Variants in ADAMTS12 observed in about 807,000 individuals in gnomAD.
ADAMTS12 encodes the protein A disintegrin and metalloproteinase with thrombospondin motifs 12.
Under a neutral mutation model 167.8 loss-of-function variants are expected in ADAMTS12, and 118 were observed. The observed-to-expected ratio is 0.70, with a 90% CI of 0.61 to 0.82. The LOEUF (loss-of-function observed/expected upper bound fraction) is 0.82, where lower values mean the gene tolerates loss of function less well. Ranked by LOEUF, ADAMTS12 falls within the 40% of genes least tolerant of loss-of-function variation. ADAMTS12 has a pLI of 0.00. For synonymous variants in ADAMTS12, 704 were observed against 716.9 expected (o/e 0.98, Z 0.29); for missense variants, 1,916 against 1,998.8 (o/e 0.96, Z 0.79).
chr5:33,853,597 C>T (rs1197887230), intron 2 of ADAMTS12, among the ~76,000 whole-genome samples: 1 of 152,160 alleles, frequency 6.6e-6, no homozygotes, highest in East Asian at 1.9e-4. Flanking sequence ...TCCTGAATCA[C>T]ATTGTCTAAG....
chr5:33,679,952 A>G (rs986420524), intron 5 of ADAMTS12, among the ~76,000 whole-genome samples: 8 of 152,174 alleles, frequency 5.3e-5, no homozygotes, highest in African/African-American at 2.4e-5. Flanking sequence ...TGCCATCTTG[A>G]CATTAGTTAA....
At chr5:33,849,772 CATAGCAATATATAGTATCTATATAT>C (rs1749151240) in intron 2 of ADAMTS12, among the ~76,000 whole-genome samples, 1 of 147,372 alleles carries the variant, frequency 6.8e-6, no homozygotes, top group African/African-American at 2.5e-5. Context: ...ATATGTATTG[CATAGCAATATATAGTATCTATATAT>C]GTATTGCATA....
At chr5:33,835,953 C>G (rs1424323433) in intron 2 of ADAMTS12, among the ~76,000 whole-genome samples, 93 of 89,142 alleles carry the variant, frequency 1.0e-3, no homozygotes, top group African/African-American at 3.9e-3. Flanking sequence ...CTCTCTCTCT[C>G]TGTGTGTGTG....
Position 33,527,208 on chromosome 5 carries a change from G to A in ADAMTS12, c.4765C>T (p.Gln1589Ter), listed in dbSNP as rs773721883. 3.1e-6 allele frequency: 5 copies of A among 1,614,104 alleles called. No homozygotes were observed. Among genetic ancestry groups the A allele is most frequent in the African/African-American group, 1.3e-5 (1 of 75,020 alleles). ...TQRQRRQRLL[Q>*]KSKEL ...TGGGCTTAGAGTTCTTTTGACTTTT[G>A]GAGCAACCGTTGCCTTCTTTGCCTT... Residue 1589 changes from glutamine (Q) to a stop codon, truncating the protein, a stop_gained, in exon 24 of 24, where the codon CAA becomes TAA. Transcript: ENST00000504830. LOFTEE classifies it high-confidence loss of function.
intron 18 of ADAMTS12, among the ~76,000 whole-genome samples, chr5:33,579,677 T>C (rs1746957660): frequency 6.6e-6 from 1 of 152,248 alleles, no homozygotes; most frequent in Non-Finnish European, 1.5e-5. Flanking sequence ...ACTCCTTGTG[T>C]GATTCGGTGA....
chr5:33,821,423 G>A (rs990895790), intron 2 of ADAMTS12, among the ~76,000 whole-genome samples: 15 of 151,796 alleles, frequency 9.9e-5, no homozygotes, highest in East Asian at 3.9e-4. Context: ...TATGTATTTC[G>A]TTATTATAGC....
intron 3 of ADAMTS12, among the ~76,000 whole-genome samples, chr5:33,736,559 G>T (rs1314473846): frequency 2.0e-5 from 3 of 152,194 alleles, no homozygotes; most frequent in East Asian, 3.8e-4. Context: ...AACAGGAAAA[G>T]AAAGCACAAG....
chr5:33,762,989 G>A (rs1263672238), intron 2 of ADAMTS12, among the ~76,000 whole-genome samples: 1 of 152,170 alleles, frequency 6.6e-6, no homozygotes, highest in Non-Finnish European at 1.5e-5. Context: ...ATGCAGCCAG[G>A]TTGAAGGCTT....
rs114226586 is a variant in ADAMTS12, at chr5:33,806,485, T to C, written c.490-54937A>G. On this transcript the variant is annotated intron_variant, in intron 2 of 23. Coordinates refer to ENST00000504830, the MANE Select transcript of ADAMTS12 (RefSeq NM_030955.4). ...TTTTTAACATTCTTACATGGAAAAG[T>C]AGAAACATCAGAACCTAATTTTAAA... is the stretch of plus-strand genomic sequence containing the variant. Among the ~76,000 whole-genome samples the C allele has an allele frequency of 7.2e-3, 1,096 of 152,354 alleles. 13 individuals carry two copies. Among genetic ancestry groups the C allele is most frequent in the African/African-American group, 0.026 (1,061 of 41,580 alleles).
chr5:33,676,959 C>G (rs1741936326), intron 5 of ADAMTS12, among the ~76,000 whole-genome samples: 1 of 152,122 alleles, frequency 6.6e-6, no homozygotes, highest in Non-Finnish European at 1.5e-5. Flanking sequence ...CTGCTGTCAG[C>G]CCTACTGCTG....
intron 3 of ADAMTS12, among the ~76,000 whole-genome samples, chr5:33,685,412 A>G (rs1742287378): frequency 6.6e-6 from 1 of 152,214 alleles, no homozygotes; most frequent in Non-Finnish European, 1.5e-5. Flanking sequence ...GCCCTGCCTC[A>G]GACCCTGAGT....
At chr5:33,792,412 C>T (rs1156919996) in intron 2 of ADAMTS12, among the ~76,000 whole-genome samples, 2 of 152,200 alleles carry the variant, frequency 1.3e-5, no homozygotes, top group African/African-American at 4.8e-5. Flanking sequence ...TCATCCAGTG[C>T]CCATTTGAGA....
At chr5:33,801,245 T>C (rs1230728383) in intron 2 of ADAMTS12, among the ~76,000 whole-genome samples, 1 of 152,176 alleles carries the variant, frequency 6.6e-6, no homozygotes. Context: ...AGGCACCAAG[T>C]TGGTGGTAAT....
At chr5:33,877,751 G>A (rs1750283344) in intron 2 of ADAMTS12, among the ~76,000 whole-genome samples, 1 of 152,122 alleles carries the variant, frequency 6.6e-6, no homozygotes, top group South Asian at 2.1e-4. Context: ...AATGCAGGAA[G>A]AAGGTTGTCC....
intron 20 of ADAMTS12, among the ~76,000 whole-genome samples, chr5:33,558,439 C>CTG (rs1745582931): frequency 1.3e-5 from 2 of 151,920 alleles, no homozygotes; most frequent in Non-Finnish European, 2.9e-5. Context: ...GTGTCAGAAA[C>CTG]AACTCCTACA....
intron 3 of ADAMTS12, among the ~76,000 whole-genome samples, chr5:33,701,826 T>G (rs559447223): frequency 6.6e-6 from 1 of 152,290 alleles, no homozygotes; most frequent in East Asian, 1.9e-4. Context: ...ACAAAGCCCA[T>G]ATAACCTTCA....
At chr5:33,629,279 G>A (rs1739804455) in intron 13 of ADAMTS12, among the ~76,000 whole-genome samples, 1 of 152,164 alleles carries the variant, frequency 6.6e-6, no homozygotes, top group African/African-American at 2.4e-5. Context: ...CAACTGTATA[G>A]ATAAATATGA....
rs7700361 is a variant in ADAMTS12, at chr5:33,524,991, T to A, written c.*2197A>T. Reference sequence around the variant, plus strand: ...TTTAGTTGGTTGAGGTCAGTAGGAATCTGAGTTTGTTCCTGAGTTTTGTAA... The same window carrying A: ...TTTAGTTGGTTGAGGTCAGTAGGAAACTGAGTTTGTTCCTGAGTTTTGTAA... On this transcript the variant is annotated 3_prime_UTR_variant, in exon 24 of 24. Coordinates refer to ENST00000504830, the MANE Select transcript of ADAMTS12 (RefSeq NM_030955.4). 1.6e-3 allele frequency: 249 copies of A among 152,334 alleles called. 1 individual carries two copies. The highest frequency in any genetic ancestry group is 5.9e-3 in the African/African-American group (244 of 41,572). The allele number at this position is 152,334 out of a possible 1,614,324, so 9.4% of individuals were successfully genotyped here.
chr5:33,867,619 T>TACAC lies in ADAMTS12; in HGVS notation c.489+13496_489+13499dup, dbSNP rs34725912. On this transcript the variant is annotated intron_variant, in intron 2 of 23. Coordinates refer to ENST00000504830, the MANE Select transcript of ADAMTS12 (RefSeq NM_030955.4). ...ACCCCAAAAGCTATTGAAATAAAAATACACACACACACACAGCACAAACAC... is the reference window on the plus strand; with the variant it reads ...ACCCCAAAAGCTATTGAAATAAAAATACACACACACACACACACAGCACAAACAC... Among the ~76,000 whole-genome samples the TACAC allele has an allele frequency of 3.0e-4, 45 of 151,476 alleles. No homozygotes were observed. In the East Asian group the frequency reaches 8.3e-3, roughly 28 times the overall value.
Sources: gnomAD v4.1 joint callset for allele counts (sites outside exome capture counted in the v4.1 genomes callset) on GRCh38, gnomAD v4.1.1 for gene constraint, MANE v1.5 for transcripts, NCBI Gene and HGNC (gene_info 2026-07-23, HGNC 2026-07-21) for gene names.